The following NOTUM variants were observed in gnomAD, a reference collection of about 807,000 sequenced individuals.
NOTUM encodes the protein notum, palmitoleoyl-protein carboxylesterase, also known as palmitoleoyl-protein carboxylesterase NOTUM.
Under a neutral mutation model 65.5 loss-of-function variants are expected in NOTUM, and 36 were observed. The observed-to-expected ratio is 0.55, with a 90% CI of 0.42 to 0.73. The LOEUF is 0.73. Among genes scored for constraint, NOTUM ranks in the 30% least tolerant of loss-of-function variants. The probability of loss-of-function intolerance (pLI) is 0.00; values close to 1 mark genes in which losing one functional copy is unlikely to be tolerated. For synonymous variants in NOTUM, 356 were observed against 297.9 expected, an observed-to-expected ratio of 1.20 and a Z score of -2.01; for missense variants, 659 against 694.2, an observed-to-expected ratio of 0.95 and a Z score of 0.57.
rs1454125812 is a variant in NOTUM at position 81,959,007 on chromosome 17, G to A, written c.473-12C>T. 4 of 1,611,840 alleles carry A rather than the reference G, an allele frequency of 2.5e-6. No individual in the cohort carries two copies. The highest frequency in any genetic ancestry group is 3.4e-6 in the Non-Finnish European group (4 of 1,178,794). ...CAGGATCCCTGTGCCTGGGGACACA[G>A]AGGCGGTGGGTCTTTCTAGCGGGAG... On this transcript the variant is annotated splice_polypyrimidine_tract_variant and intron_variant, in intron 3 of 10. Coordinates refer to ENST00000409678, the MANE Select transcript of NOTUM (RefSeq NM_178493.6).
rs367654018 is a variant in NOTUM, at chr17:81,955,426, G to A, written c.1107C>T (p.Arg369=). The change falls in exon 9 of 11, where the codon CGC becomes CGT. Residue 369 remains arginine, a synonymous_variant. Coordinates refer to ENST00000409678, the MANE Select transcript of NOTUM (RefSeq NM_178493.6). ...GLRLYIQNLG[R]ELRHTLKDVP... is the part of the protein sequence containing the mutation. ...CGTCCTTGAGTGTGTGGCGCAGCTC[G>A]CGGCCGAGGTTCTGGATGTACAGCC... 38 of 1,594,224 alleles carry A rather than the reference G, an allele frequency of 2.4e-5. No individual in the cohort carries two copies. The highest frequency in any genetic ancestry group is 2.6e-5 in the Non-Finnish European group (30 of 1,171,268).
chr17:81,958,613 A>G (rs2143947121), intron 4 of NOTUM, among the ~76,000 whole-genome samples: 1 of 151,106 alleles, frequency 6.6e-6, no homozygotes, highest in East Asian at 1.9e-4. Context: ...AGACCAACTC[A>G]GGACAGGACC....
rs763202920 is a variant in NOTUM, at chr17:81,955,382, G to A, written c.1136+15C>T. On this transcript the variant is annotated intron_variant, in intron 9 of 10. Coordinates refer to ENST00000409678, the MANE Select transcript of NOTUM (RefSeq NM_178493.6). Reference sequence around the variant, plus strand: ...GAGCTACCCGGCGTGGGGCTCCCGGGGCCCACACACTCACGGCACGTCCTT... The same window carrying A: ...GAGCTACCCGGCGTGGGGCTCCCGGAGCCCACACACTCACGGCACGTCCTT... The A allele has an allele frequency of 6.4e-7, 1 of 1,552,196 alleles. No individual in the cohort carries two copies. Among genetic ancestry groups the A allele is most frequent in the Non-Finnish European group, 8.7e-7 (1 of 1,143,760 alleles).
chr17:81,955,618 A>AC (rs528822838), intron 8 of NOTUM, 74 bp from the exon 9 acceptor site: 1 of 1,276,738 alleles, frequency 7.8e-7, no homozygotes, highest in Non-Finnish European at 1.0e-6. Context: ...ACAGCTCAGC[A>AC]CCCCCAGGCC....
intron 10 of NOTUM, among the ~76,000 whole-genome samples, chr17:81,953,738 G>A (rs1022411637): frequency 6.6e-5 from 10 of 151,814 alleles, no homozygotes; most frequent in African/African-American, 2.4e-4. Flanking sequence ...TGAGTAGCTG[G>A]GATTACAGGT....
rs1268685896 is a variant in NOTUM at position 81,960,227 on chromosome 17, G to C, written c.323+360C>G. Among the ~76,000 whole-genome samples the C allele has an allele frequency of 6.6e-6, 1 of 152,220 alleles. No homozygotes were observed. Among genetic ancestry groups the C allele is most frequent in the Non-Finnish European group, 1.5e-5 (1 of 68,032 alleles). ...CCTCACGTCTTTTATCTACTTCGGG[G>C]CTGCAAGGAGGTGGGCAGCGGGCCT... On this transcript the variant is annotated intron_variant, in intron 1 of 10. Transcript: ENST00000409678. The surrounding 1 kb of genome is among the most constrained non-coding windows in gnomAD (Gnocchi z 6.4).
intron 8 of NOTUM, 140 bp from the exon 9 acceptor site, chr17:81,955,684 C>A: frequency 1.7e-6 from 1 of 577,924 alleles, no homozygotes; most frequent in East Asian, 3.5e-5. Flanking sequence ...CCCTGCAGTG[C>A]CCCCCACCCC....
intron 4 of NOTUM, 93 bp downstream of exon 4, chr17:81,958,842 G>A (rs528554525): frequency 5.3e-5 from 51 of 955,422 alleles, no homozygotes; most frequent in African/African-American, 4.8e-4. Context: ...CCCCAGGAAA[G>A]ACCATTTCAG....
In NOTUM at chr17:81,952,841, G is replaced by T; in HGVS notation, c.*120C>A. ...GAGGGCAGTGGGCAGACCCAGACAG[G>T]GGGGACGGCTGGGGCCCTGTCCCGA... On this transcript the variant is annotated 3_prime_UTR_variant, in exon 11 of 11. Coordinates refer to ENST00000409678, the MANE Select transcript of NOTUM (RefSeq NM_178493.6). 1.1e-6 allele frequency: 1 copy of T among 887,352 alleles called. No homozygotes were observed. Among genetic ancestry groups the T allele is most frequent in the Non-Finnish European group, 1.8e-6 (1 of 561,322 alleles). The allele number at this position is 887,352 out of a possible 1,614,324, so 55.0% of individuals were successfully genotyped here.
At chr17:81,956,574 C>T (rs1450295746) in intron 8 of NOTUM, 76 bp downstream of exon 8, 1 of 1,019,930 alleles carries the variant, frequency 9.8e-7, no homozygotes, top group African/African-American at 1.6e-5. Context: ...AGACTGGAGT[C>T]CACGCTGGAT....
At chr17:81,958,734 G>A (rs1212687273) in intron 4 of NOTUM, among the ~76,000 whole-genome samples, 1 of 151,606 alleles carries the variant, frequency 6.6e-6, no homozygotes, top group Non-Finnish European at 1.5e-5. Context: ...CACCAGGAAG[G>A]ACCATCCCAG....
intron 9 of NOTUM, among the ~76,000 whole-genome samples, chr17:81,954,818 T>C (rs900857177): frequency 6.6e-6 from 1 of 152,020 alleles, no homozygotes; most frequent in South Asian, 2.1e-4. Context: ...GGTTTCACCA[T>C]GTTGCCCTGG....
At chr17:81,955,291 CTAT>C in intron 9 of NOTUM, 103 bp downstream of exon 9, 2 of 1,079,514 alleles carry the variant, frequency 1.9e-6, no homozygotes, top group Admixed American at 5.2e-5. Context: ...TACAAGACCT[CTAT>C]TTTTTTTTGT....
Position 81,957,042 on chromosome 17 carries a change from TC to T in NOTUM, c.727del (p.Asp243ThrfsTer102). 1.9e-6 allele frequency: 3 copies of T among 1,608,856 alleles called. No homozygotes were observed. The highest frequency in any genetic ancestry group is 2.5e-6 in the Non-Finnish European group (3 of 1,179,810). ...CTTCTCCAGCTGCTCAGCCACACGG[TC>T]CACATTCAGGAGCACCCCGGTGCCC... ...AGGTGVLLNV[D>X]RVAEQLEKLG... On this transcript the variant is annotated frameshift_variant, in exon 7 of 11. Transcript: ENST00000409678. LOFTEE classifies it high-confidence loss of function.
chr17:81,957,464 A>T (rs1366823512), intron 6 of NOTUM, among the ~76,000 whole-genome samples: 10 of 151,996 alleles, frequency 6.6e-5, no homozygotes, highest in Non-Finnish European at 1.3e-4. Flanking sequence ...GGTGATCCTC[A>T]TCTACCGGGC....
In NOTUM at chr17:81,961,012, C is replaced by A; in HGVS notation, c.-103G>T. The A allele has an allele frequency of 2.0e-6, 1 of 489,418 alleles. No individual in the cohort carries two copies. The highest frequency in any genetic ancestry group is 2.9e-6 in the Non-Finnish European group (1 of 347,494). 30.3% of individuals were successfully genotyped at this position (489,418 alleles called of 1,614,324 possible). A position where few individuals can be genotyped will look rare whatever the true frequency, so the allele number is the denominator to read the frequency against. On this transcript the variant is annotated 5_prime_UTR_variant, in exon 1 of 11. Coordinates refer to ENST00000409678, the MANE Select transcript of NOTUM (RefSeq NM_178493.6). ...GGGCCGGGGGTGTCGGGGGCACTGG[C>A]CGCTCCTGCTCCCTCGCCCCCGCTC...
chr17:81,959,603 G>A (rs2041458783), intron 2 of NOTUM, 37 bp from the exon 3 acceptor site: 1 of 1,546,500 alleles, frequency 6.5e-7, no homozygotes, highest in Non-Finnish European at 8.7e-7. Context: ...CGCGCGCACA[G>A]ACCCCCGGCC....
At chr17:81,955,018 T>C (rs2143941250) in intron 9 of NOTUM, among the ~76,000 whole-genome samples, 1 of 151,962 alleles carries the variant, frequency 6.6e-6, no homozygotes, top group South Asian at 2.1e-4. Flanking sequence ...TCTTACTCCG[T>C]CACCCAGGCT....
At chr17:81,954,562 G>A (rs542927987) in intron 9 of NOTUM, among the ~76,000 whole-genome samples, 3 of 152,340 alleles carry the variant, frequency 2.0e-5, no homozygotes, top group African/African-American at 7.2e-5. Flanking sequence ...GCCCTAGACA[G>A]GCAAATATTC....
Sources: gnomAD v4.1 joint callset for allele counts (sites outside exome capture counted in the v4.1 genomes callset) on GRCh38, gnomAD v4.1.1 for gene constraint, Gnocchi (gnomAD v3.1) non-coding constraint, MANE v1.5 for transcripts, NCBI Gene and HGNC (gene_info 2026-07-23, HGNC 2026-07-21) for gene names.